ZNF790: variants seen among roughly 807,000 people sequenced by gnomAD.
ZNF790 encodes the protein zinc finger protein 790.
ZNF790 carries 8 observed loss-of-function variants against 12.1 expected under a neutral mutation model. That is an observed-to-expected ratio of 0.66 (90% CI 0.39 to 1.19). The LOEUF (loss-of-function observed/expected upper bound fraction) is 1.19, where lower values mean the gene tolerates loss of function less well. Among genes scored for constraint, ZNF790 ranks in the 50% most tolerant of loss-of-function variants. The probability of loss-of-function intolerance (pLI) is 0.01; values close to 1 mark genes in which losing one functional copy is unlikely to be tolerated. For synonymous variants in ZNF790, 252 were observed against 244.3 expected (o/e 1.03, Z -0.29); for missense variants, 707 against 752.2 (o/e 0.94, Z 0.70).
At chr19:36,834,146 G>A (rs1180574459) in intron 1 of ZNF790, among the ~76,000 whole-genome samples, 1 of 151,240 alleles carries the variant, frequency 6.6e-6, no homozygotes, top group African/African-American at 2.4e-5. Context: ...AGGAGGCTGA[G>A]GCATGATAAT....
upstream of ZNF790, chr19:36,850,560 T>G (rs1600679946): frequency 1.3e-5 from 2 of 152,328 alleles, no homozygotes; most frequent in African/African-American, 4.8e-5. Flanking sequence ...CTGGCTTAGC[T>G]GGATTCTTGC....
intron 2 of ZNF790, among the ~76,000 whole-genome samples, chr19:36,824,060 A>C (rs1568336353): frequency 7.2e-6 from 1 of 139,012 alleles, no homozygotes; most frequent in Non-Finnish European, 1.5e-5. Flanking sequence ...GCGGTGGTGC[A>C]ATCTCTGATC....
chr19:36,844,247 G>C (rs941315822), intron 1 of ZNF790, among the ~76,000 whole-genome samples: 1 of 151,240 alleles, frequency 6.6e-6, no homozygotes, highest in Non-Finnish European at 1.5e-5. Context: ...GGAGATTGAG[G>C]CTGCAGTGAG....
At chr19:36,835,574 C>T (rs1187069253) in intron 1 of ZNF790, among the ~76,000 whole-genome samples, 2 of 152,144 alleles carry the variant, frequency 1.3e-5, no homozygotes, top group Non-Finnish European at 2.9e-5. Context: ...GGCCAAGACA[C>T]TACACCACTG....
chr19:36,825,530 G>T (rs2071778280), intron 2 of ZNF790, 81 bp downstream of exon 2: 6 of 1,397,400 alleles, frequency 4.3e-6, no homozygotes, highest in Middle Eastern at 3.5e-4. Context: ...CAGGTAAGCA[G>T]TTTAAGGATA....
chr19:36,823,621 C>G, intron 3 of ZNF790, 46 bp downstream of exon 3: 1 of 1,585,562 alleles, frequency 6.3e-7, no homozygotes, highest in Non-Finnish European at 8.5e-7. Context: ...TAAAAAAAAT[C>G]ACAATACAGA....
chr19:36,821,992 T>TA (rs2071683727), intron 4 of ZNF790, among the ~76,000 whole-genome samples: 1 of 152,222 alleles, frequency 6.6e-6, no homozygotes, highest in Non-Finnish European at 1.5e-5. Context: ...TATCACCTGT[T>TA]ACTCTGATTT....
At chr19:36,848,656 T>C (rs934382224) in intron 1 of ZNF790, among the ~76,000 whole-genome samples, 1 of 151,628 alleles carries the variant, frequency 6.6e-6, no homozygotes, top group African/African-American at 2.4e-5. Flanking sequence ...TGTTTGTTTG[T>C]TGTATTTTGT....
intron 1 of ZNF790, among the ~76,000 whole-genome samples, chr19:36,836,134 A>G (rs1245025371): frequency 1.3e-5 from 2 of 152,014 alleles, no homozygotes; most frequent in Non-Finnish European, 2.9e-5. Context: ...ACAGTGGTCC[A>G]TTTCCAAGAC....
At chr19:36,845,901 C>T (rs752034307) in intron 1 of ZNF790, among the ~76,000 whole-genome samples, 2 of 151,776 alleles carry the variant, frequency 1.3e-5, no homozygotes, top group African/African-American at 2.4e-5. Flanking sequence ...CTCTGCCTCC[C>T]GGGTTCAAGC....
Position 36,819,428 on chromosome 19 carries a change from C to G in ZNF790, c.916G>C (p.Gly306Arg), listed in dbSNP as rs776372362. 6.2e-7 allele frequency: 1 copy of G among 1,610,302 alleles called. No individual in the cohort carries two copies. The highest frequency in any genetic ancestry group is 8.5e-7 in the Non-Finnish European group (1 of 1,177,788). ...DLTRHQRIHT[G>R]EKPYECNECR... Reference sequence around the variant, plus strand: ...TCATTACATTCATAGGGTTTTTCACCAGTATGAATTCTCTGATGTCGAGTA... The same window carrying G: ...TCATTACATTCATAGGGTTTTTCACGAGTATGAATTCTCTGATGTCGAGTA... The change falls in exon 5 of 5, where the codon GGT becomes CGT. Residue 306 changes from glycine to arginine, a missense_variant. Gly to Arg is a moderately radical substitution (Grantham distance 125). Coordinates refer to ENST00000356725, the MANE Select transcript of ZNF790 (RefSeq NM_206894.4).
rs1461648433 is a variant in ZNF790 at position 36,818,776 on chromosome 19, C to T, written c.1568G>A (p.Arg523Gln). Residue 523 changes from arginine (R) to glutamine (Q), a missense_variant, in exon 5 of 5, where the codon CGA (arginine) becomes CAA (glutamine). Transcript: ENST00000356725. ...CTCACCAGTATGCATTCTCTGATGT[C>T]GAGTAAGTTGTGAACCCCAGAGAAA... is the stretch of plus-strand genomic sequence containing the variant. ...KAFLWGSQLT[R>Q]HQRMHTGEEP... 3.7e-6 allele frequency: 6 copies of T among 1,609,654 alleles called. No individual in the cohort carries two copies. Among genetic ancestry groups the T allele is most frequent in the East Asian group, 2.2e-5 (1 of 44,822 alleles).
chr19:36,825,821 G>A (rs2071784570), intron 1 of ZNF790, 129 bp from the exon 2 acceptor site: 2 of 623,718 alleles, frequency 3.2e-6, no homozygotes, highest in Admixed American at 5.8e-5. Context: ...TCCAAAACCA[G>A]AGAGATTCAA....
chr19:36,821,018 A>T (rs1319800721), intron 4 of ZNF790, among the ~76,000 whole-genome samples: 2 of 148,672 alleles, frequency 1.3e-5, no homozygotes, highest in African/African-American at 5.0e-5. Flanking sequence ...ATTTAGCATT[A>T]GGTGTATCTC....
In ZNF790 at chr19:36,825,709, A is replaced by C. The variant is rs2146036301; in HGVS notation, c.-73-17T>G. On this transcript the variant is annotated splice_polypyrimidine_tract_variant and intron_variant, in intron 1 of 4. Transcript: ENST00000356725. ...AAAGCAGAGCTAGAAGGAAAGAATC[A>C]CAAGGTCAGGCCTTTCTCAGAGCTC... 1 of 1,420,020 alleles carries C rather than the reference A, an allele frequency of 7.0e-7. No individual in the cohort carries two copies. Among genetic ancestry groups the C allele is most frequent in the East Asian group, 2.3e-5 (1 of 43,970 alleles). The allele number at this position is 1,420,020 out of a possible 1,614,324, so 88.0% of individuals were successfully genotyped here. A position where few individuals can be genotyped will look rare whatever the true frequency, so the allele number is the denominator to read the frequency against.
Position 36,823,370 on chromosome 19 carries a change from A to C in ZNF790, c.144T>G (p.Ile48Met), listed in dbSNP as rs765897051. Reference sequence around the variant, plus strand: ...ATAAAGAGAACGCTTCTGGCTGATAAATGCAAAAACCTGCCCAGAAGATGA... The same window carrying C: ...ATAAAGAGAACGCTTCTGGCTGATACATGCAAAAACCTGCCCAGAAGATGA... ...YSNMVSLGFC[I>M]YQPEAFSLLE... Residue 48 changes from isoleucine (I) to methionine (M), a missense_variant, in exon 4 of 5, where the codon ATT becomes ATG. By Grantham distance (10) the Ile-to-Met change is conservative. Coordinates refer to ENST00000356725, the MANE Select transcript of ZNF790 (RefSeq NM_206894.4). The C allele has an allele frequency of 6.2e-7, 1 of 1,613,888 alleles. No individual in the cohort carries two copies. The highest frequency in any genetic ancestry group is 1.3e-5 in the African/African-American group (1 of 74,924).
chr19:36,821,948 C>A (rs957192064), intron 4 of ZNF790, among the ~76,000 whole-genome samples: 4 of 152,162 alleles, frequency 2.6e-5, no homozygotes, highest in African/African-American at 9.7e-5. Context: ...AACCTTTCTT[C>A]TGCCACTTCC....
rs1213546624 is a variant in ZNF790, at chr19:36,827,139, CACATATATATATATATATATATATAT to C, written c.-73-1473_-73-1448del. Among the ~76,000 whole-genome samples, 55 of 70,218 alleles carry C rather than the reference CACATATATATATATATATATATATAT, an allele frequency of 7.8e-4. 1 individual carries two copies. Among genetic ancestry groups the C allele is most frequent in the African/African-American group, 3.2e-3 (52 of 16,082 alleles). The allele number at this position is 70,218 out of a possible 152,430, so 46.1% of individuals were successfully genotyped here. A position where few individuals can be genotyped will look rare whatever the true frequency, so the allele number is the denominator to read the frequency against. ...ACATACACACACACACACACACACA[CACATATATATATATATATATATATAT>C]ATATATATATATACACTTACCAAAC... is the stretch of plus-strand genomic sequence containing the variant. On this transcript the variant is annotated intron_variant, in intron 1 of 4. Coordinates refer to ENST00000356725, the MANE Select transcript of ZNF790 (RefSeq NM_206894.4).
intron 1 of ZNF790, among the ~76,000 whole-genome samples, chr19:36,831,171 CAAAGTTTTA>C (rs2071938682): frequency 6.6e-6 from 1 of 151,568 alleles, no homozygotes; most frequent in African/African-American, 2.4e-5. Flanking sequence ...AAAAAACACA[CAAAGTTTTA>C]AAAGTGTGTC....
Sources: allele counts gnomAD v4.1 joint callset (sites outside exome capture counted in the v4.1 genomes callset), GRCh38; gene constraint gnomAD v4.1.1; transcripts MANE v1.5; gene names NCBI Gene and HGNC (gene_info 2026-07-23, HGNC 2026-07-21).